Variants in ATP2B2 observed in about 807,000 individuals in gnomAD.
ATP2B2 encodes ATPase plasma membrane Ca2+ transporting 2.
In ATP2B2, 15 loss-of-function variants were observed where a neutral mutation model predicts 120.0. The ratio of observed to expected loss-of-function variants is 0.12; its 90% CI spans 0.08 to 0.19. The LOEUF is 0.19. Among genes scored for constraint, ATP2B2 ranks in the 10% least tolerant of loss-of-function variants. The probability of loss-of-function intolerance (pLI) is 1.00; values close to 1 mark genes in which losing one functional copy is unlikely to be tolerated. For synonymous variants in ATP2B2, 694 were observed against 700.3 expected (o/e 0.99, Z 0.14); for missense variants, 1,045 against 1,719.8 (o/e 0.61, Z 6.94).
chr3:10,651,431 C>T (rs1416367426), intron 1 of ATP2B2, among the ~76,000 whole-genome samples: 1 of 152,192 alleles, frequency 6.6e-6, no homozygotes, highest in Non-Finnish European at 1.5e-5. Flanking sequence ...GGGGAGGTTC[C>T]CTGCATAAGC....
chr3:10,455,382 G>A lies in ATP2B2; in HGVS notation c.-319-5520C>T, dbSNP rs549770545. ...TCTTGCTGCCTCATCCAAATATCATGTGACCTACCACTCTATGGCTGAGAG... is the reference window on the plus strand; with the variant it reads ...TCTTGCTGCCTCATCCAAATATCATATGACCTACCACTCTATGGCTGAGAG... On this transcript the variant is annotated intron_variant, in intron 1 of 22. Coordinates refer to ENST00000360273, the MANE Select transcript of ATP2B2 (RefSeq NM_001001331.4). Among the ~76,000 whole-genome samples the A allele has an allele frequency of 5.9e-5, 9 of 152,328 alleles. No homozygotes were observed. In the South Asian group the frequency reaches 1.9e-3, roughly 32 times the overall value.
intron 2 of ATP2B2, among the ~76,000 whole-genome samples, chr3:10,443,326 C>T (rs1391907757): frequency 6.6e-6 from 1 of 152,132 alleles, no homozygotes; most frequent in Non-Finnish European, 1.5e-5. Flanking sequence ...CTCTTCCAAT[C>T]TCCTTGGGGT....
chr3:10,540,623 A>G (rs1461368085), intron 2 of ATP2B2, among the ~76,000 whole-genome samples: 1 of 151,348 alleles, frequency 6.6e-6, no homozygotes, highest in Non-Finnish European at 1.5e-5. Flanking sequence ...GCAAGGACAG[A>G]AAACCAAACA....
At chr3:10,382,931 A>G (rs1357846764) in intron 8 of ATP2B2, among the ~76,000 whole-genome samples, 1 of 151,836 alleles carries the variant, frequency 6.6e-6, no homozygotes, top group African/African-American at 2.4e-5. Context: ...CTCAATCGGC[A>G]AGGTTCCACC....
intron 2 of ATP2B2, among the ~76,000 whole-genome samples, chr3:10,434,748 TTTTGA>T (rs2063423884): frequency 1.3e-5 from 2 of 152,248 alleles, no homozygotes; most frequent in Non-Finnish European, 1.5e-5. Context: ...GGTCTGGGAC[TTTTGA>T]TTTATCTACT....
chr3:10,553,028 C>T (rs1453590882), intron 2 of ATP2B2, among the ~76,000 whole-genome samples: 1 of 152,198 alleles, frequency 6.6e-6, no homozygotes, highest in Non-Finnish European at 1.5e-5. Flanking sequence ...TGGCCTCCAG[C>T]CTCCAGTTCC....
At chr3:10,429,070 G>T (rs975768477) in intron 2 of ATP2B2, among the ~76,000 whole-genome samples, 2 of 152,038 alleles carry the variant, frequency 1.3e-5, no homozygotes, top group Non-Finnish European at 2.9e-5. Context: ...CAGTCCCCTG[G>T]CTTCGTCTCC....
chr3:10,535,299 C>A (rs527245946), intron 2 of ATP2B2, among the ~76,000 whole-genome samples: 2 of 152,264 alleles, frequency 1.3e-5, no homozygotes, highest in African/African-American at 2.4e-5. Context: ...CAGACTTCCC[C>A]AAGTTTAACT....
intron 14 of ATP2B2, among the ~76,000 whole-genome samples, chr3:10,356,964 TGAGAGA>T (rs4040764): frequency 0.05 from 7,235 of 144,418 alleles, 563 homozygotes; most frequent in African/African-American, 0.17. Flanking sequence ...TGTGTGTGTA[TGAGAGA>T]GAGAGAGAGA....
chr3:10,353,401 G>A (rs967824048), intron 14 of ATP2B2, among the ~76,000 whole-genome samples: 1 of 152,230 alleles, frequency 6.6e-6, no homozygotes, highest in Admixed American at 6.5e-5. Flanking sequence ...CCAGGGCTGA[G>A]GCTACACAGA....
intron 2 of ATP2B2, among the ~76,000 whole-genome samples, chr3:10,568,066 C>T (rs1008400864): frequency 6.6e-6 from 1 of 152,212 alleles, no homozygotes; most frequent in Admixed American, 6.5e-5. Flanking sequence ...GTGGCTGGAG[C>T]AGGCTCTGTC....
chr3:10,580,953 T>C (rs1052172713), intron 2 of ATP2B2, among the ~76,000 whole-genome samples: 3 of 152,266 alleles, frequency 2.0e-5, no homozygotes, highest in African/African-American at 7.2e-5. Flanking sequence ...ATATGTAATC[T>C]GGCCTCTTAC....
intron 3 of ATP2B2, among the ~76,000 whole-genome samples, chr3:10,525,322 C>T (rs1057226288): frequency 2.0e-5 from 3 of 152,214 alleles, no homozygotes; most frequent in Non-Finnish European, 4.4e-5. Flanking sequence ...CTTTGCTCTT[C>T]TGGGCCTCAG....
chr3:10,588,852 A>T (rs1417140027), intron 2 of ATP2B2, among the ~76,000 whole-genome samples: 2 of 152,178 alleles, frequency 1.3e-5, no homozygotes, highest in Non-Finnish European at 2.9e-5. Context: ...CTAGAAATAG[A>T]TCCAACTGGA....
intron 1 of ATP2B2, among the ~76,000 whole-genome samples, chr3:10,459,629 C>T (rs1232762220): frequency 6.6e-6 from 1 of 152,256 alleles, no homozygotes; most frequent in Non-Finnish European, 1.5e-5. Flanking sequence ...CTCTTCTGCC[C>T]TCATCCCCCT....
At chr3:10,443,527 G>A (rs528844423) in intron 2 of ATP2B2, among the ~76,000 whole-genome samples, 4 of 151,960 alleles carry the variant, frequency 2.6e-5, no homozygotes, top group Middle Eastern at 3.4e-3. Context: ...GCATTGACCG[G>A]GATGGGAGGA....
At chr3:10,633,022 A>T (rs1451766850) in intron 1 of ATP2B2, among the ~76,000 whole-genome samples, 2 of 152,256 alleles carry the variant, frequency 1.3e-5, no homozygotes, top group Non-Finnish European at 2.9e-5. Flanking sequence ...TTGCTGAGCC[A>T]GGGCTCCCTC....
intron 1 of ATP2B2, among the ~76,000 whole-genome samples, chr3:10,681,449 C>G (rs2071381796): frequency 6.6e-6 from 1 of 152,228 alleles, no homozygotes; most frequent in South Asian, 2.1e-4. Context: ...AGACAAATGT[C>G]TCCCCATTTC....
At chr3:10,458,921 T>G (rs901626307) in intron 1 of ATP2B2, among the ~76,000 whole-genome samples, 8 of 152,220 alleles carry the variant, frequency 5.3e-5, no homozygotes, top group African/African-American at 9.6e-5. Flanking sequence ...TGCCTCAGTT[T>G]CCTCTTCTGT....
Sources: allele counts gnomAD v4.1 joint callset (sites outside exome capture counted in the v4.1 genomes callset), GRCh38; gene constraint gnomAD v4.1.1; transcripts MANE v1.5; gene names NCBI Gene and HGNC (gene_info 2026-07-23, HGNC 2026-07-21).